ADAMTSL1: variants seen among roughly 807,000 people sequenced by gnomAD.
ADAMTSL1 encodes the protein ADAMTS like 1.
Under a neutral mutation model 201.8 loss-of-function variants are expected in ADAMTSL1, and 126 were observed. The observed-to-expected ratio is 0.62, with a 90% CI of 0.54 to 0.72. The LOEUF (loss-of-function observed/expected upper bound fraction) is 0.72. ADAMTSL1 is among the 30% of genes least tolerant of loss of function. The pLI, the probability that ADAMTSL1 is intolerant of heterozygous loss-of-function variation, is 0.00. For synonymous variants in ADAMTSL1, 1,121 were observed against 903.4 expected, an observed-to-expected ratio of 1.24 and a Z score of -4.32; for missense variants, 2,679 against 2,277.8, an observed-to-expected ratio of 1.18 and a Z score of -3.59.
At chr9:18,620,932 A>G (rs754584411) in intron 4 of ADAMTSL1, among the ~76,000 whole-genome samples, 1 of 152,232 alleles carries the variant, frequency 6.6e-6, no homozygotes, top group Non-Finnish European at 1.5e-5. Flanking sequence ...ACACAATGTT[A>G]AATAATTATG....
chr9:18,311,215 G>A (rs142654652), intron 2 of ADAMTSL1, among the ~76,000 whole-genome samples: 2 of 151,968 alleles, frequency 1.3e-5, no homozygotes, highest in East Asian at 3.9e-4. Context: ...GGGGTGGGGG[G>A]CTAGGGTAGT....
intron 2 of ADAMTSL1, among the ~76,000 whole-genome samples, chr9:18,451,729 G>A (rs1820413549): frequency 6.6e-6 from 1 of 152,198 alleles, no homozygotes; most frequent in South Asian, 2.1e-4. Flanking sequence ...AGTCCATTTT[G>A]TGTTACTATA....
At chr9:18,329,501 A>C (rs1185519073) in intron 2 of ADAMTSL1, among the ~76,000 whole-genome samples, 1 of 152,172 alleles carries the variant, frequency 6.6e-6, no homozygotes, top group Admixed American at 6.6e-5. Context: ...AAGAATGTTA[A>C]ATTTATACTT....
chr9:18,689,169 G>T (rs1831059495), intron 13 of ADAMTSL1, among the ~76,000 whole-genome samples: 1 of 152,100 alleles, frequency 6.6e-6, no homozygotes, highest in South Asian at 2.1e-4. Flanking sequence ...TGTTAATCAG[G>T]TGGAAGCTAA....
chr9:18,630,390 A>G (rs904238894), intron 5 of ADAMTSL1, among the ~76,000 whole-genome samples: 1 of 152,144 alleles, frequency 6.6e-6, no homozygotes, highest in Admixed American at 6.6e-5. Context: ...TTATGTATTG[A>G]TTAGTATGCT....
intron 1 of ADAMTSL1, among the ~76,000 whole-genome samples, chr9:18,496,178 T>C (rs1057106320): frequency 1.3e-5 from 2 of 152,226 alleles, no homozygotes; most frequent in Admixed American, 6.5e-5. Flanking sequence ...TACTGACTCT[T>C]TGTAAACTAG....
intron 1 of ADAMTSL1, among the ~76,000 whole-genome samples, chr9:18,099,355 A>ATTTTTTTTTTT (rs397893715): frequency 6.6e-5 from 3 of 45,562 alleles, no homozygotes; most frequent in African/African-American, 1.6e-4. Context: ...ATATATATAT[A>ATTTTTTTTTTT]TTTTTTTTTT....
At chr9:18,108,215 T>G (rs1410695315) in intron 1 of ADAMTSL1, among the ~76,000 whole-genome samples, 1 of 146,426 alleles carries the variant, frequency 6.8e-6, no homozygotes, top group Non-Finnish European at 1.5e-5. Flanking sequence ...TTTTTTTTTT[T>G]TTTGAAACAG....
chr9:18,541,761 A>G (rs1262901730), intron 3 of ADAMTSL1, among the ~76,000 whole-genome samples: 1 of 152,232 alleles, frequency 6.6e-6, no homozygotes, highest in Non-Finnish European at 1.5e-5. Flanking sequence ...CAAACAGAAA[A>G]TGTTAATACA....
intron 1 of ADAMTSL1, among the ~76,000 whole-genome samples, chr9:18,078,572 G>T (rs76442386): frequency 0.033 from 4,951 of 152,210 alleles, 101 homozygotes; most frequent in African/African-American, 0.046. Context: ...GATACACTTG[G>T]AAAATAGATA....
chr9:18,649,797 T>A (rs879253380), intron 7 of ADAMTSL1, among the ~76,000 whole-genome samples: 2 of 152,024 alleles, frequency 1.3e-5, no homozygotes, highest in East Asian at 1.9e-4. Context: ...AGTCTGCCCC[T>A]ACTGGGGGGT....
chr9:18,012,127 A>T (rs1384072140), intron 1 of ADAMTSL1, among the ~76,000 whole-genome samples: 1 of 152,030 alleles, frequency 6.6e-6, no homozygotes, highest in Non-Finnish European at 1.5e-5. Flanking sequence ...TACATTCATA[A>T]AAACTTGTCT....
At chr9:18,529,038 A>G (rs936997571) in intron 2 of ADAMTSL1, among the ~76,000 whole-genome samples, 9 of 152,244 alleles carry the variant, frequency 5.9e-5, no homozygotes, top group African/African-American at 2.2e-4. Context: ...TTGTGCCCAG[A>G]TAAATGCCTT....
chr9:18,560,379 G>A (rs1029702596), intron 3 of ADAMTSL1, among the ~76,000 whole-genome samples: 5 of 152,168 alleles, frequency 3.3e-5, no homozygotes, highest in Non-Finnish European at 7.4e-5. Context: ...TGGTGGATAA[G>A]CTTTTTGATG....
chr9:18,052,846 T>C (rs1821999266), intron 1 of ADAMTSL1, among the ~76,000 whole-genome samples: 1 of 152,166 alleles, frequency 6.6e-6, no homozygotes, highest in African/African-American at 2.4e-5. Context: ...CTGTACATTT[T>C]GAAAATGATT....
chr9:18,601,156 G>A (rs139728482), intron 4 of ADAMTSL1, among the ~76,000 whole-genome samples: 1 of 152,278 alleles, frequency 6.6e-6, no homozygotes, highest in African/African-American at 2.4e-5. Flanking sequence ...GACAATAAGT[G>A]CCCTTCCTGG....
intron 8 of ADAMTSL1, among the ~76,000 whole-genome samples, chr9:18,658,061 G>A (rs1231225976): frequency 6.9e-6 from 1 of 145,018 alleles, no homozygotes; most frequent in East Asian, 2.2e-4. Flanking sequence ...TGCAAGCTCC[G>A]CCTCCCGAGT....
chr9:17,941,007 C>T (rs1588450249), intron 1 of ADAMTSL1, among the ~76,000 whole-genome samples: 3 of 151,506 alleles, frequency 2.0e-5, no homozygotes, highest in Non-Finnish European at 2.9e-5. Flanking sequence ...TCTGCAGCTA[C>T]AGGTTTTGAT....
intron 2 of ADAMTSL1, among the ~76,000 whole-genome samples, chr9:18,348,079 T>A (rs1479687774): frequency 2.0e-5 from 3 of 152,232 alleles, no homozygotes; most frequent in Admixed American, 1.3e-4. Context: ...AGACCCGAAT[T>A]AGTTTAATCT....
Sources: allele counts gnomAD v4.1 joint callset (sites outside exome capture counted in the v4.1 genomes callset), GRCh38; gene constraint gnomAD v4.1.1; transcripts MANE v1.5; gene names NCBI Gene and HGNC (gene_info 2026-07-23, HGNC 2026-07-21).